NPAT: variants seen among roughly 807,000 people sequenced by gnomAD.
The protein encoded by NPAT is protein NPAT.
In NPAT, 52 loss-of-function variants were observed where a neutral mutation model predicts 130.7. The observed-to-expected ratio is 0.40, with a 90% CI of 0.32 to 0.50. The LOEUF (loss-of-function observed/expected upper bound fraction) is 0.50. Ranked by LOEUF, NPAT falls within the 20% of genes least tolerant of loss-of-function variation. The probability of loss-of-function intolerance (pLI) is 0.68; values close to 1 mark genes in which losing one functional copy is unlikely to be tolerated. For synonymous variants in NPAT, 580 were observed against 584.8 expected, an observed-to-expected ratio of 0.99 and a Z score of 0.12; for missense variants, 1,687 against 1,662.6, an observed-to-expected ratio of 1.01 and a Z score of -0.26.
intron 1 of NPAT, among the ~76,000 whole-genome samples, chr11:108,198,221 C>G (rs970907047): frequency 6.6e-6 from 1 of 152,122 alleles, no homozygotes; most frequent in Non-Finnish European, 1.5e-5. Flanking sequence ...GAAGAAAAAT[C>G]TAATCTCAAG....
At chr11:108,211,517 T>C (rs2078383482) in intron 1 of NPAT, among the ~76,000 whole-genome samples, 1 of 140,454 alleles carries the variant, frequency 7.1e-6, no homozygotes, top group Non-Finnish European at 1.5e-5. Flanking sequence ...CACTCCAGAA[T>C]AGGTGACAGA....
chr11:108,171,967 T>C (rs941975920), intron 13 of NPAT: 36 of 541,344 alleles, frequency 6.7e-5, no homozygotes, highest in Non-Finnish European at 1.1e-4. Context: ...TTGAGAAGTA[T>C]TTGTGAAAAG....
At position 108,173,789 on chromosome 11, in the gene NPAT, A is replaced by G. The variant is rs1051521; in HGVS notation, c.1195T>C (p.Leu399=). 2 of 1,614,064 alleles carry G rather than the reference A, an allele frequency of 1.2e-6. No individual in the cohort carries two copies. The highest frequency in any genetic ancestry group is 1.7e-5 in the Admixed American group (1 of 60,010). Residue 399 remains leucine, a synonymous_variant, in exon 13 of 18, where the codon TTG becomes CTG. Transcript: ENST00000278612. ...SYQNDDPLNA[L]KNSNNHDVLR... is the part of the protein sequence containing the mutation. ...ACATCATGGTTGTTGCTATTCTTCA[A>G]AGCATTTAATGGGTCATCATTCTGA...
At chr11:108,187,803 T>C (rs2078122183) in intron 7 of NPAT, among the ~76,000 whole-genome samples, 2 of 152,038 alleles carry the variant, frequency 1.3e-5, no homozygotes, top group Non-Finnish European at 2.9e-5. Flanking sequence ...TTAAAAAACA[T>C]GGATTGCAAA....
At chr11:108,214,575 C>T (rs933136656) in intron 1 of NPAT, among the ~76,000 whole-genome samples, 4 of 150,980 alleles carry the variant, frequency 2.6e-5, no homozygotes, top group Non-Finnish European at 5.9e-5. Context: ...TGAAAAACAA[C>T]GAAGTTTACA....
chr11:108,220,997 C>T (rs189794108), intron 1 of NPAT, among the ~76,000 whole-genome samples: 2 of 152,176 alleles, frequency 1.3e-5, no homozygotes, highest in East Asian at 3.9e-4. Context: ...CGTTTTTTGT[C>T]CATTAAATGA....
At chr11:108,203,514 T>C (rs1358580902) in intron 1 of NPAT, among the ~76,000 whole-genome samples, 1 of 152,216 alleles carries the variant, frequency 6.6e-6, no homozygotes, top group East Asian at 1.9e-4. Flanking sequence ...ATTATCTCTG[T>C]TGACCTGTAA....
At chr11:108,196,633 AT>A (rs1038666587) in intron 2 of NPAT, among the ~76,000 whole-genome samples, 1 of 152,150 alleles carries the variant, frequency 6.6e-6, no homozygotes, top group African/African-American at 2.4e-5. Context: ...TTTCACACAT[AT>A]TTTGTTAGAT....
chr11:108,166,204 C>T (rs941817946), intron 15 of NPAT, among the ~76,000 whole-genome samples: 1 of 151,842 alleles, frequency 6.6e-6, no homozygotes, highest in Non-Finnish European at 1.5e-5. Flanking sequence ...CCAGCTTGGC[C>T]AAGATAGTGA....
intron 13 of NPAT, 137 bp from the exon 14 acceptor site, chr11:108,170,180 C>T: frequency 4.1e-6 from 2 of 482,218 alleles, no homozygotes; most frequent in Non-Finnish European, 7.8e-6. Context: ...ATCCACTCTC[C>T]AAAAACAAAA....
chr11:108,190,006 C>G (rs1312896359), intron 5 of NPAT, among the ~76,000 whole-genome samples: 1 of 151,696 alleles, frequency 6.6e-6, no homozygotes, highest in East Asian at 1.9e-4. Context: ...ATTAACATAA[C>G]TGTACTTAGA....
chr11:108,206,557 A>G (rs2078327003), intron 1 of NPAT, among the ~76,000 whole-genome samples: 1 of 152,110 alleles, frequency 6.6e-6, no homozygotes, highest in South Asian at 2.1e-4. Flanking sequence ...TGGCACCCTG[A>G]AGCTTGGAGA....
Position 108,185,260 on chromosome 11 carries a change from G to A in NPAT, c.878C>T (p.Thr293Ile). Reference sequence around the variant, plus strand: ...AAGTCCTAGGAATTCATCAATTGAAGTCTCTGGCTCCGTAGGGTTGTTATC... The same window carrying A: ...AAGTCCTAGGAATTCATCAATTGAAATCTCTGGCTCCGTAGGGTTGTTATC... Reference protein sequence around the residue: ...QTDNNPTEPETSIDEFLGLPS... With the variant: ...QTDNNPTEPEISIDEFLGLPS... Residue 293 changes from threonine (T) to isoleucine (I), a missense_variant, in exon 10 of 18, where the codon ACT becomes ATT. Around this residue, in one of 3 missense-constraint regions of NPAT, gnomAD observed 1,379 missense variants for 1,346.6 expected, o/e 1.02. Transcript: ENST00000278612. 1 of 1,612,356 alleles carries A rather than the reference G, an allele frequency of 6.2e-7. No individual in the cohort carries two copies. The highest frequency in any genetic ancestry group is 8.5e-7 in the Non-Finnish European group (1 of 1,179,018).
At chr11:108,191,926 A>C (rs2078173459) in intron 4 of NPAT, among the ~76,000 whole-genome samples, 192 bp downstream of exon 4, 1 of 152,218 alleles carries the variant, frequency 6.6e-6, no homozygotes, top group African/African-American at 2.4e-5. Context: ...TAGTTTTCTA[A>C]ATATTTTATT....
chr11:108,189,111 A>G lies in NPAT; in HGVS notation c.551T>C (p.Val184Ala). 1 of 1,612,070 alleles carries G rather than the reference A, an allele frequency of 6.2e-7. No individual in the cohort carries two copies. Among genetic ancestry groups the G allele is most frequent in the Non-Finnish European group, 8.5e-7 (1 of 1,178,230 alleles). ...VVNHSQSQDTVTTGEALNVIP... is the reference protein window; with the variant it reads ...VVNHSQSQDTATTGEALNVIP... The stretch of plus-strand genomic sequence containing the variant: ...AGAACAAAATGTAAACTTACTGGTT[A>G]CAGTATCTTGTGACTGTGAGTGGTT... The change falls in exon 6 of 18, where the codon GTA becomes GCA. Residue 184 changes from valine (V) to alanine (A), a missense_variant. Transcript: ENST00000278612.
Position 108,174,017 on chromosome 11 carries a change from T to G in NPAT, c.1133-166A>C, listed in dbSNP as rs559817387. ...CCCATTTACTGAGTATCAAAAAATT[T>G]ACAGGTACTTTCTAGTTACTGATGA... On this transcript the variant is annotated intron_variant, in intron 12 of 17. Coordinates refer to ENST00000278612, the MANE Select transcript of NPAT (RefSeq NM_002519.3). 2.0e-5 allele frequency among the ~76,000 whole-genome samples: 3 copies of G among 152,344 alleles called. No homozygotes were observed. The South Asian group carries it at 6.2e-4, about 32-fold the overall frequency.
At chr11:108,204,450 A>T (rs2078306341) in intron 1 of NPAT, among the ~76,000 whole-genome samples, 1 of 152,116 alleles carries the variant, frequency 6.6e-6, no homozygotes, top group Non-Finnish European at 1.5e-5. Context: ...TCATGTTGAG[A>T]GCTGTTCTGT....
At position 108,186,497 on chromosome 11, in the gene NPAT, A is replaced by G; in HGVS notation, c.711T>C (p.Ala237=). ...STIRNFQDPN[A]FAVEKQMVIE... is the part of the protein sequence containing the mutation. ...AGTCACTTACTTTTTCTACTGCAAA[A>G]GCGTTTGGATCTTGGAAATTCCGTA... Residue 237 remains alanine, a synonymous_variant, in exon 8 of 18, where the codon GCT becomes GCC. Coordinates refer to ENST00000278612, the MANE Select transcript of NPAT (RefSeq NM_002519.3). The G allele has an allele frequency of 6.2e-7, 1 of 1,614,046 alleles. No homozygotes were observed.
chr11:108,165,472 A>ATATTTTTT (rs1555039325), intron 15 of NPAT, among the ~76,000 whole-genome samples: 1 of 129,780 alleles, frequency 7.7e-6, no homozygotes, highest in African/African-American at 3.0e-5. Flanking sequence ...ATATATATAT[A>ATATTTTTT]TTTTTTTTTT....
Sources: gnomAD v4.1 joint callset for allele counts (sites outside exome capture counted in the v4.1 genomes callset) on GRCh38, gnomAD v4.1.1 for gene constraint, gnomAD v4.1.1 regional missense constraint, MANE v1.5 for transcripts, NCBI Gene and HGNC (gene_info 2026-07-23, HGNC 2026-07-21) for gene names.